Variants in KLF12 observed in about 807,000 individuals in gnomAD.
KLF12 encodes KLF transcription factor 12.
A neutral mutation model predicts 37.8 loss-of-function variants in KLF12; 9 were observed. The observed-to-expected ratio is 0.24, with a 90% CI of 0.14 to 0.42. The LOEUF (loss-of-function observed/expected upper bound fraction) is 0.42. Among genes scored for constraint, KLF12 ranks in the 10% least tolerant of loss-of-function variants. The pLI is 1.00. For synonymous variants in KLF12, 208 were observed against 202.1 expected, an observed-to-expected ratio of 1.03 and a Z score of -0.25; for missense variants, 411 against 516.0, an observed-to-expected ratio of 0.80 and a Z score of 1.97.
the KLF12 span, among the ~76,000 whole-genome samples, chr13:74,237,963 C>A: frequency 1.3e-5 from 2 of 151,270 alleles, no homozygotes; most frequent in African/African-American, 2.5e-5. Flanking sequence ...CTGGCCAGAA[C>A]TTCCAACACT....
chr13:73,977,611 C>T (rs1000196442), intron 2 of KLF12, among the ~76,000 whole-genome samples: 2 of 152,064 alleles, frequency 1.3e-5, no homozygotes, highest in Non-Finnish European at 2.9e-5. Context: ...GTAATATTGA[C>T]AAATTAATTC....
chr13:73,709,211 T>C (rs1354710244), intron 7 of KLF12, among the ~76,000 whole-genome samples: 1 of 152,168 alleles, frequency 6.6e-6, no homozygotes, highest in Non-Finnish European at 1.5e-5. Context: ...CCTACAAATA[T>C]GTTTAAGTTA....
At chr13:74,134,314 GC>G (rs982791211), upstream of KLF12, among the ~76,000 whole-genome samples, 2 of 151,720 alleles carry the variant, frequency 1.3e-5, no homozygotes, top group African/African-American at 4.8e-5. Context: ...GCGGGGAGGG[GC>G]TCGCTCAGCA....
At chr13:73,974,375 AG>A (rs1187763161) in intron 2 of KLF12, among the ~76,000 whole-genome samples, 2 of 152,008 alleles carry the variant, frequency 1.3e-5, no homozygotes, top group African/African-American at 4.8e-5. Context: ...GGGGGAACAA[AG>A]AAGTCAAACT....
At chr13:73,730,039 A>T (rs1876948687) in intron 6 of KLF12, among the ~76,000 whole-genome samples, 1 of 152,256 alleles carries the variant, frequency 6.6e-6, no homozygotes, top group Middle Eastern at 3.4e-3. Flanking sequence ...CTCTAGCATC[A>T]AGTTAGCACC....
At chr13:74,036,963 T>C (rs1353811955) in intron 1 of KLF12, among the ~76,000 whole-genome samples, 2 of 152,140 alleles carry the variant, frequency 1.3e-5, no homozygotes, top group African/African-American at 2.4e-5. Context: ...CCCAGCACTT[T>C]GGGAGGCCGA....
chr13:73,768,850 CGTCTGACCT>C (rs1880099075), intron 5 of KLF12, among the ~76,000 whole-genome samples: 1 of 152,126 alleles, frequency 6.6e-6, no homozygotes, highest in Non-Finnish European at 1.5e-5. Flanking sequence ...AACACAGGTA[CGTCTGACCT>C]GTCTGACCTG....
chr13:73,876,083 T>C (rs1886688553), intron 3 of KLF12, among the ~76,000 whole-genome samples: 1 of 151,786 alleles, frequency 6.6e-6, no homozygotes, highest in African/African-American at 2.4e-5. Context: ...AACAAGACAA[T>C]GTATTATTCT....
chr13:74,110,169 G>C lies in KLF12; in HGVS notation c.-32+23570C>G, dbSNP rs185956089. On this transcript the variant is annotated intron_variant, in intron 1 of 7. Transcript: ENST00000377669. ...ATTTCCAAAGAAAGCATTTCTGTAC[G>C]CTAAATTGGCCAGAGTGGACCTCTG... Among the ~76,000 whole-genome samples the C allele has an allele frequency of 1.3e-3, 205 of 152,182 alleles. 1 individual carries two copies. The highest frequency in any genetic ancestry group is 2.3e-3 in the Non-Finnish European group (158 of 67,994).
intron 1 of KLF12, among the ~76,000 whole-genome samples, chr13:74,065,225 T>C (rs200572090): frequency 9.0e-4 from 69 of 76,394 alleles, no homozygotes; most frequent in African/African-American, 2.3e-3. Flanking sequence ...CACACACACA[T>C]GTATATATAT....
At chr13:74,276,477 T>C in the KLF12 span, among the ~76,000 whole-genome samples, 1 of 152,202 alleles carries the variant, frequency 6.6e-6, no homozygotes, top group South Asian at 2.1e-4. Flanking sequence ...AAATATATAC[T>C]ATACCATCTT....
intron 1 of KLF12, among the ~76,000 whole-genome samples, chr13:74,059,778 C>T (rs1020249051): frequency 2.0e-5 from 3 of 152,096 alleles, no homozygotes; most frequent in African/African-American, 7.2e-5. Flanking sequence ...GGCTTTTTAA[C>T]TTAAGTTCCA....
At chr13:74,157,359 C>A in the KLF12 span, among the ~76,000 whole-genome samples, 1 of 152,112 alleles carries the variant, frequency 6.6e-6, no homozygotes, top group Non-Finnish European at 1.5e-5. Flanking sequence ...GCCAAAGGTC[C>A]CATAGCAGGG....
chr13:73,874,766 G>C (rs1886626011), intron 3 of KLF12, among the ~76,000 whole-genome samples: 1 of 152,186 alleles, frequency 6.6e-6, no homozygotes, highest in Middle Eastern at 3.4e-3. Flanking sequence ...TCATCACCTT[G>C]AAAATAATAT....
chr13:74,224,195 G>A, the KLF12 span, among the ~76,000 whole-genome samples: 1 of 152,104 alleles, frequency 6.6e-6, no homozygotes, highest in East Asian at 1.9e-4. Flanking sequence ...GGCTCAATGG[G>A]ATCAACATTT....
intron 1 of KLF12, among the ~76,000 whole-genome samples, chr13:74,040,258 C>G (rs1195927206): frequency 1.3e-5 from 2 of 152,092 alleles, no homozygotes; most frequent in Non-Finnish European, 2.9e-5. Flanking sequence ...AGGCATAATG[C>G]CAGGTGCTAG....
intron 4 of KLF12, among the ~76,000 whole-genome samples, chr13:73,838,671 C>CT (rs5804698): frequency 0.3 from 45,503 of 152,004 alleles, 7,028 homozygotes; most frequent in East Asian, 0.51. Context: ...ATAGACTCTG[C>CT]GCTGCTGGTG....
Position 74,034,181 on chromosome 13 carries a change from G to T in KLF12, c.-31-39128C>A, listed in dbSNP as rs1853741. Among the ~76,000 whole-genome samples the T allele has an allele frequency of 6.7e-3, 1,024 of 152,216 alleles. 49 individuals carry two copies. Among genetic ancestry groups the T allele is most frequent in the Admixed American group, 0.061 (937 of 15,288 alleles). On this transcript the variant is annotated intron_variant, in intron 1 of 7. Coordinates refer to ENST00000377669, the MANE Select transcript of KLF12 (RefSeq NM_007249.5). ...AGGTTCAAGCAATTTTCCTGCCTCA[G>T]CCTCCCAAGTAGCTGGGATTAGAGG...
the KLF12 span, among the ~76,000 whole-genome samples, chr13:74,227,347 A>T: frequency 6.6e-6 from 1 of 152,296 alleles, no homozygotes; most frequent in Non-Finnish European, 1.5e-5. Flanking sequence ...TTTGTGGTTA[A>T]TATCACATAA....
Sources: allele counts gnomAD v4.1 joint callset (sites outside exome capture counted in the v4.1 genomes callset), GRCh38; gene constraint gnomAD v4.1.1; transcripts MANE v1.5; gene names NCBI Gene and HGNC (gene_info 2026-07-23, HGNC 2026-07-21).